KCNK2: variants seen among roughly 807,000 people sequenced by gnomAD.
KCNK2 encodes the protein potassium two pore domain channel subfamily K member 2.
A neutral mutation model predicts 40.5 loss-of-function variants in KCNK2; 21 were observed. The observed-to-expected ratio is 0.52, with a 90% CI of 0.37 to 0.75. The LOEUF is 0.75. Among genes scored for constraint, KCNK2 ranks in the 30% least tolerant of loss-of-function variants. The pLI, the probability that KCNK2 is intolerant of heterozygous loss-of-function variation, is 0.00. For missense variants in KCNK2, 399 were observed against 531.6 expected, an observed-to-expected ratio of 0.75 and a Z score of 2.45; for synonymous variants, 191 against 202.2, an observed-to-expected ratio of 0.94 and a Z score of 0.47.
intron 1 of KCNK2, among the ~76,000 whole-genome samples, chr1:215,054,346 AC>A (rs1658084823): frequency 6.6e-6 from 1 of 151,666 alleles, no homozygotes; most frequent in Non-Finnish European, 1.5e-5. Flanking sequence ...GATTGCAGAA[AC>A]CCCCAGGCCA....
chr1:215,005,671 G>C (rs1204626453), upstream of KCNK2: 3 of 420,676 alleles, frequency 7.1e-6, no homozygotes, highest in Non-Finnish European at 8.4e-6. Flanking sequence ...ATTTCTTCCT[G>C]AACCAGACTG....
intron 1 of KCNK2, among the ~76,000 whole-genome samples, chr1:215,012,665 C>G (rs916612958): frequency 2.9e-5 from 3 of 104,566 alleles, no homozygotes; most frequent in African/African-American, 1.1e-4. Flanking sequence ...TTTTTTTTTT[C>G]TGTAGAGTCA....
intron 3 of KCNK2, among the ~76,000 whole-genome samples, chr1:215,162,533 C>G (rs1663247845): frequency 6.6e-6 from 1 of 152,050 alleles, no homozygotes; most frequent in African/African-American, 2.4e-5. Flanking sequence ...AGGTTTTCTT[C>G]TAGGGTTTTT....
chr1:215,131,158 CAAGTTTTTTTTATTTTT>C (rs1661659237), intron 3 of KCNK2, among the ~76,000 whole-genome samples: 1 of 151,790 alleles, frequency 6.6e-6, no homozygotes, highest in South Asian at 2.1e-4. Context: ...CCGCGCCCAG[CAAGTTTTTTTTATTTTT>C]AAGTTTTTTT....
rs1663592966 is a variant in KCNK2 at position 215,169,353 on chromosome 1, G to A, written c.630G>A (p.Thr210=). The part of the protein sequence containing the change: ...FGKGIAKVED[T]FIKWNVSQTK... ...AAGGAATTGCCAAAGTGGAAGATAC[G>A]TTTATTGTGAGTATGATAGATATTT... is the stretch of plus-strand genomic sequence containing the variant. Residue 210 remains threonine (T), a synonymous_variant, in exon 4 of 7, where the codon ACG becomes ACA. Coordinates refer to ENST00000444842, the MANE Select transcript of KCNK2 (RefSeq NM_001017425.3). 1.2e-6 allele frequency: 2 copies of A among 1,607,474 alleles called. No individual in the cohort carries two copies. The highest frequency in any genetic ancestry group is 1.3e-5 in the African/African-American group (1 of 74,734).
chr1:215,121,149 A>T (rs11120497), intron 2 of KCNK2, among the ~76,000 whole-genome samples: 116,876 of 152,170 alleles, frequency 0.77, 45,192 homozygotes, highest in Non-Finnish European at 0.79. Context: ...CCATTATTTT[A>T]AAGCATTGCT....
intron 1 of KCNK2, among the ~76,000 whole-genome samples, chr1:215,039,406 G>T (rs1409868540): frequency 6.6e-6 from 1 of 152,110 alleles, no homozygotes; most frequent in Non-Finnish European, 1.5e-5. Flanking sequence ...CCACTTCGGA[G>T]AATCTTTTTT....
At chr1:215,118,197 T>C (rs959896361) in intron 2 of KCNK2, among the ~76,000 whole-genome samples, 3 of 152,044 alleles carry the variant, frequency 2.0e-5, no homozygotes, top group Non-Finnish European at 4.4e-5. Flanking sequence ...TCACATCATC[T>C]GGAATAAGGT....
At chr1:215,169,095 C>A in intron 3 of KCNK2, 104 bp from the exon 4 acceptor site, 2 of 779,642 alleles carry the variant, frequency 2.6e-6, no homozygotes, top group East Asian at 2.6e-5. Flanking sequence ...TAGTCAAAAT[C>A]AATTATTGAT....
rs1666874239 is a variant in KCNK2 at position 215,236,065 on chromosome 1, T to TATCTATCTATCTATC, written c.*921_*935dup. 1 of 149,686 alleles carries TATCTATCTATCTATC rather than the reference T, an allele frequency of 6.7e-6. No homozygotes were observed. The highest frequency in any genetic ancestry group is 2.5e-5 in the African/African-American group (1 of 39,310). 9.3% of individuals were successfully genotyped at this position (149,686 alleles called of 1,614,324 possible). On this transcript the variant is annotated 3_prime_UTR_variant, in exon 7 of 7. Coordinates refer to ENST00000444842, the MANE Select transcript of KCNK2 (RefSeq NM_001017425.3). ...AAGAAAATCTATCTATCTATCTATCTATCTATCTATCTATCTATCTATCTA... is the reference window on the plus strand; with the variant it reads ...AAGAAAATCTATCTATCTATCTATCTATCTATCTATCTATCATCTATCTATCTATCTATCTATCTA...
intron 3 of KCNK2, among the ~76,000 whole-genome samples, chr1:215,157,220 A>G (rs1375439166): frequency 2.0e-5 from 3 of 152,190 alleles, no homozygotes; most frequent in African/African-American, 7.2e-5. Flanking sequence ...TCTAGCCACC[A>G]TTATACTGAG....
chr1:215,189,807 A>C (rs985408715), intron 5 of KCNK2, among the ~76,000 whole-genome samples: 1 of 152,206 alleles, frequency 6.6e-6, no homozygotes, highest in Non-Finnish European at 1.5e-5. Flanking sequence ...TAACACAATA[A>C]GATATACTAA....
At chr1:215,069,883 A>G (rs1658685698) in intron 1 of KCNK2, among the ~76,000 whole-genome samples, 1 of 152,216 alleles carries the variant, frequency 6.6e-6, no homozygotes, top group Admixed American at 6.5e-5. Flanking sequence ...GGTGTGAATT[A>G]AAATGCTTTT....
rs560766309 is a variant in KCNK2 at position 215,159,419 on chromosome 1, G to A, written c.476-9780G>A. 8.7e-4 allele frequency among the ~76,000 whole-genome samples: 133 copies of A among 152,250 alleles called. 2 individuals carry two copies. The highest frequency in any genetic ancestry group is 3.2e-3 in the African/African-American group (132 of 41,564). On this transcript the variant is annotated intron_variant, in intron 3 of 6. Coordinates refer to ENST00000444842, the MANE Select transcript of KCNK2 (RefSeq NM_001017425.3). ...CTGTGTTCCATTGAGGAGACACTGGGTGGACAAGAATTTTACTTGCGTCTT... is the reference window on the plus strand; with the variant it reads ...CTGTGTTCCATTGAGGAGACACTGGATGGACAAGAATTTTACTTGCGTCTT...
upstream of KCNK2, among the ~76,000 whole-genome samples, chr1:215,080,630 G>T (rs1471270657): frequency 6.6e-6 from 1 of 152,164 alleles, no homozygotes. Flanking sequence ...AGAGAGATAT[G>T]GTTTATGCCC....
intron 1 of KCNK2, among the ~76,000 whole-genome samples, chr1:215,039,008 G>T (rs1051693144): frequency 2.0e-5 from 3 of 152,036 alleles, no homozygotes; most frequent in Non-Finnish European, 4.4e-5. Context: ...GAAGATTTCA[G>T]TTCGGGTAGA....
intron 5 of KCNK2, among the ~76,000 whole-genome samples, chr1:215,187,846 A>AT (rs1297386779): frequency 6.7e-6 from 1 of 149,066 alleles, no homozygotes; most frequent in Non-Finnish European, 1.5e-5. Context: ...TGTCTCAAAA[A>AT]TTTAAAAAAA....
rs183234021 is a variant in KCNK2, at chr1:215,124,600, T to C, written c.358-33T>C. On this transcript the variant is annotated intron_variant, in intron 2 of 6. Coordinates refer to ENST00000444842, the MANE Select transcript of KCNK2 (RefSeq NM_001017425.3). ...CTGTTTGATGCCTCTGTGTGATTCA[T>C]GTGTACTGATAAATTTCTTTTTAAA... The C allele has an allele frequency of 6.2e-4, 759 of 1,226,510 alleles. 2 individuals are homozygous for C. Among genetic ancestry groups the C allele is most frequent in the Non-Finnish European group, 8.7e-4 (722 of 826,604 alleles). 76.0% of individuals were successfully genotyped at this position (1,226,510 alleles called of 1,614,324 possible).
intron 3 of KCNK2, among the ~76,000 whole-genome samples, chr1:215,134,621 G>C (rs959506149): frequency 6.6e-6 from 1 of 152,046 alleles, no homozygotes; most frequent in East Asian, 1.9e-4. Flanking sequence ...GGAGAATTGC[G>C]ATGGGGCTGA....
Sources: allele counts gnomAD v4.1 joint callset (sites outside exome capture counted in the v4.1 genomes callset), GRCh38; gene constraint gnomAD v4.1.1; transcripts MANE v1.5; gene names NCBI Gene and HGNC (gene_info 2026-07-23, HGNC 2026-07-21).